C9: variants seen among roughly 807,000 people sequenced by gnomAD.
C9 encodes the protein complement component C9.
In C9, 63 loss-of-function variants were observed where a neutral mutation model predicts 65.4. The observed-to-expected ratio is 0.96, with a 90% CI of 0.79 to 1.19. The LOEUF (loss-of-function observed/expected upper bound fraction) is 1.19, where lower values mean the gene tolerates loss of function less well. C9 is among the 50% of genes most tolerant of loss of function. The pLI, the probability that C9 is intolerant of heterozygous loss-of-function variation, is 0.00. For missense variants in C9, 744 were observed against 670.1 expected, an observed-to-expected ratio of 1.11 and a Z score of -1.22; for synonymous variants, 229 against 227.9, an observed-to-expected ratio of 1.00 and a Z score of -0.04.
At chr5:39,348,449 C>A (rs1239368838) in intron 1 of C9, among the ~76,000 whole-genome samples, 1 of 152,078 alleles carries the variant, frequency 6.6e-6, no homozygotes, top group East Asian at 1.9e-4. Context: ...ATCAGAGAAA[C>A]GCAAATCAAA....
intron 1 of C9, among the ~76,000 whole-genome samples, chr5:39,356,381 T>C (rs1754413352): frequency 6.6e-6 from 1 of 152,228 alleles, no homozygotes; most frequent in Non-Finnish European, 1.5e-5. Context: ...GGTCATAGCA[T>C]ATTTAGTAAC....
intron 4 of C9, among the ~76,000 whole-genome samples, chr5:39,335,972 T>G (rs1753957025): frequency 6.6e-6 from 1 of 152,204 alleles, no homozygotes; most frequent in Non-Finnish European, 1.5e-5. Context: ...TTTGATAAAT[T>G]ATACTTTCCT....
Position 39,321,319 on chromosome 5 carries a change from A to T in C9, c.616-5290T>A, listed in dbSNP as rs1321526249. On this transcript the variant is annotated intron_variant, in intron 5 of 10. Transcript: ENST00000263408. ...GTAGAAGTTTTAAAAATGTGATTGA[A>T]TTTATGTTGCTAACAGTTTAAAATA... Among the ~76,000 whole-genome samples, 3 of 152,244 alleles carry T rather than the reference A, an allele frequency of 2.0e-5. No individual in the cohort carries two copies. The East Asian group carries it at 5.8e-4, about 29-fold the overall frequency.
At position 39,364,243 on chromosome 5, in the gene C9, C is replaced by T. The variant is rs540422364; in HGVS notation, c.77+145G>A. The T allele has an allele frequency of 2.3e-4, 149 of 645,584 alleles. No homozygotes were observed. The East Asian group carries it at 4.0e-3, about 17-fold the overall frequency. The allele number at this position is 645,584 out of a possible 1,614,324, so 40.0% of individuals were successfully genotyped here. On this transcript the variant is annotated intron_variant, in intron 1 of 10. Coordinates refer to ENST00000263408, the MANE Select transcript of C9 (RefSeq NM_001737.5). ...CATAAAGATGCACCCTATGTATTTT[C>T]TTATCTCTTTTCGAAGTTTAGATTC...
chr5:39,304,820 A>G (rs560574895), intron 9 of C9, among the ~76,000 whole-genome samples: 80 of 152,330 alleles, frequency 5.3e-4, no homozygotes, highest in African/African-American at 1.8e-3. Flanking sequence ...GGGATAAACT[A>G]TATTGTGCAT....
intron 5 of C9, among the ~76,000 whole-genome samples, chr5:39,327,458 G>T (rs763879407): frequency 1.3e-5 from 2 of 152,148 alleles, no homozygotes; most frequent in African/African-American, 2.4e-5. Context: ...CTTGAAGATT[G>T]ATTGGATATT....
intron 1 of C9, among the ~76,000 whole-genome samples, chr5:39,347,425 G>A (rs1356214078): frequency 1.3e-5 from 2 of 152,154 alleles, no homozygotes. Context: ...ATTCACAATT[G>A]CTTCAAAGAG....
intron 1 of C9, among the ~76,000 whole-genome samples, chr5:39,348,696 A>T (rs1754256855): frequency 6.6e-6 from 1 of 152,240 alleles, no homozygotes; most frequent in South Asian, 2.1e-4. Flanking sequence ...ATTATAAGTC[A>T]TGCTGCTATA....
intron 9 of C9, among the ~76,000 whole-genome samples, chr5:39,305,416 A>G (rs1005067828): frequency 6.6e-6 from 1 of 152,200 alleles, no homozygotes; most frequent in African/African-American, 2.4e-5. Context: ...AAAATAGAAT[A>G]AAGGAATAAA....
At chr5:39,309,141 GTTA>G (rs1308952731) in intron 7 of C9, among the ~76,000 whole-genome samples, 1 of 151,722 alleles carries the variant, frequency 6.6e-6, no homozygotes, top group Non-Finnish European at 1.5e-5. Flanking sequence ...AAGTCTATCA[GTTA>G]TTATCTGTTT....
intron 1 of C9, among the ~76,000 whole-genome samples, chr5:39,343,902 C>T (rs1225089019): frequency 1.3e-5 from 2 of 152,182 alleles, no homozygotes; most frequent in African/African-American, 4.8e-5. Context: ...CCACTGATAC[C>T]CAGCAAACAC....
At chr5:39,325,549 C>A (rs879174312) in intron 5 of C9, among the ~76,000 whole-genome samples, 4 of 152,018 alleles carry the variant, frequency 2.6e-5, no homozygotes, top group Non-Finnish European at 4.4e-5. Flanking sequence ...CCGAGGCAGG[C>A]GGATCATGAT....
At chr5:39,285,996 A>C (rs980009101) in intron 10 of C9, among the ~76,000 whole-genome samples, 1 of 151,972 alleles carries the variant, frequency 6.6e-6, no homozygotes, top group Non-Finnish European at 1.5e-5. Context: ...AAATTCAACA[A>C]GAAAATGTCT....
chr5:39,306,565 T>C (rs1753380392), intron 9 of C9, 52 bp downstream of exon 9: 7 of 1,388,752 alleles, frequency 5.0e-6, no homozygotes, highest in Non-Finnish European at 7.2e-6. Flanking sequence ...CAATGTGACA[T>C]TTAATAAAAA....
At chr5:39,303,946 C>G (rs191185040) in intron 9 of C9, among the ~76,000 whole-genome samples, 1 of 152,094 alleles carries the variant, frequency 6.6e-6, no homozygotes, top group East Asian at 1.9e-4. Context: ...GATAGACTAC[C>G]CTGAACTAGA....
chr5:39,358,813 G>T (rs1281717271), intron 1 of C9, among the ~76,000 whole-genome samples: 1 of 151,302 alleles, frequency 6.6e-6, no homozygotes, highest in Non-Finnish European at 1.5e-5. Context: ...GTGAAACCCT[G>T]TCTCTACTAA....
At chr5:39,312,370 C>A (rs76077707) in intron 6 of C9, among the ~76,000 whole-genome samples, 2,346 of 152,242 alleles carry the variant, frequency 0.015, 57 homozygotes, top group East Asian at 0.069. Context: ...AAAGCCCAAT[C>A]TTGCTATTAT....
intron 5 of C9, among the ~76,000 whole-genome samples, chr5:39,319,955 G>T (rs529776101): frequency 1.3e-5 from 2 of 152,298 alleles, no homozygotes; most frequent in South Asian, 4.1e-4. Context: ...CCAGCATCAA[G>T]CCTGCTTGTG....
At chr5:39,351,078 C>T (rs1039392280) in intron 1 of C9, among the ~76,000 whole-genome samples, 3 of 152,166 alleles carry the variant, frequency 2.0e-5, no homozygotes, top group African/African-American at 7.2e-5. Context: ...ACCTGCAGGC[C>T]CAACACCATG....
Sources: gnomAD v4.1 joint callset for allele counts (sites outside exome capture counted in the v4.1 genomes callset) on GRCh38, gnomAD v4.1.1 for gene constraint, MANE v1.5 for transcripts, NCBI Gene and HGNC (gene_info 2026-07-23, HGNC 2026-07-21) for gene names.